Variants in GNAQ observed in about 807,000 individuals in gnomAD.
The protein encoded by GNAQ is guanine nucleotide-binding protein G(q) subunit alpha.
GNAQ carries 8 observed loss-of-function variants against 43.9 expected under a neutral mutation model. The ratio of observed to expected loss-of-function variants is 0.18; its 90% confidence interval spans 0.11 to 0.33. The LOEUF is 0.33. Among genes scored for constraint, GNAQ ranks in the 10% least tolerant of loss-of-function variants. The pLI is 1.00. For missense variants in GNAQ, 158 were observed against 450.8 expected (o/e 0.35, Z 5.88); for synonymous variants, 155 against 170.7 (o/e 0.91, Z 0.71).
At position 77,985,494 on chromosome 9, in the gene GNAQ, C is replaced by T. The variant is rs138074580; in HGVS notation, c.136+45606G>A. ...ATAGTTGTATGTCATTCAAATATTA[C>T]ATACCCTATAAAAGTACAAGGTGTT... On this transcript the variant is annotated intron_variant, in intron 1 of 6. Transcript: ENST00000286548. 3.9e-4 allele frequency among the ~76,000 whole-genome samples: 60 copies of T among 152,304 alleles called. No homozygotes were observed. The East Asian group carries it at 0.011, about 27-fold the overall frequency.
chr9:77,749,409 G>A (rs1223295104), intron 5 of GNAQ, among the ~76,000 whole-genome samples: 2 of 152,132 alleles, frequency 1.3e-5, no homozygotes, highest in Non-Finnish European at 2.9e-5. Context: ...ACAGGCAGAA[G>A]GCTTTAAATA....
chr9:77,822,521 A>C (rs2118529913), intron 2 of GNAQ, among the ~76,000 whole-genome samples: 1 of 152,072 alleles, frequency 6.6e-6, no homozygotes, highest in African/African-American at 2.4e-5. Context: ...CTGGTTTGGA[A>C]TTTTATTTTA....
In GNAQ at chr9:77,842,191, G is replaced by A. The variant is rs1178894236; in HGVS notation, c.322-26421C>T. On this transcript the variant is annotated intron_variant, in intron 2 of 6. Coordinates refer to ENST00000286548, the MANE Select transcript of GNAQ (RefSeq NM_002072.5). Reference sequence around the variant, plus strand: ...GCTACAACTCCCATCCCCTATTCTAGCTTTCCTCTAACCCTAGCTATTATT... The same window carrying A: ...GCTACAACTCCCATCCCCTATTCTAACTTTCCTCTAACCCTAGCTATTATT... Among the ~76,000 whole-genome samples the A allele has an allele frequency of 2.6e-5, 4 of 152,160 alleles. No individual in the cohort carries two copies. The East Asian group carries it at 7.7e-4, about 29-fold the overall frequency.
chr9:78,026,118 CTAAAT>C (rs2118617447), intron 1 of GNAQ, among the ~76,000 whole-genome samples: 1 of 152,230 alleles, frequency 6.6e-6, no homozygotes, highest in South Asian at 2.1e-4. Context: ...AAAATGGCTA[CTAAAT>C]TAGTCTTCTG....
chr9:77,736,875 A>C (rs1380281598), intron 5 of GNAQ, among the ~76,000 whole-genome samples: 1 of 152,214 alleles, frequency 6.6e-6, no homozygotes, highest in African/African-American at 2.4e-5. Context: ...ATTTCCTAGT[A>C]TTTCAGTTAA....
chr9:77,765,498 C>G (rs1024650249), intron 5 of GNAQ, among the ~76,000 whole-genome samples: 10 of 152,094 alleles, frequency 6.6e-5, no homozygotes, highest in Non-Finnish European at 1.0e-4. Flanking sequence ...ATATAAACGG[C>G]CAACGAACAC....
intron 2 of GNAQ, among the ~76,000 whole-genome samples, chr9:77,825,986 A>C (rs1827189879): frequency 6.6e-6 from 1 of 152,134 alleles, no homozygotes; most frequent in Admixed American, 6.6e-5. Context: ...CTTTAGCATT[A>C]AAAACAACAA....
chr9:77,963,720 AAGTT>A lies in GNAQ; in HGVS notation c.137-41379_137-41376del, dbSNP rs1310049600. 9.8e-5 allele frequency among the ~76,000 whole-genome samples: 15 copies of A among 152,326 alleles called. No homozygotes were observed. In the East Asian group the frequency reaches 1.5e-3, roughly 16 times the overall value. The stretch of plus-strand genomic sequence containing the variant: ...TGCTTATTATGAGAGTGGTTTGAGA[AAGTT>A]AGTCAAAACTTTAACAGAAAAATGC... On this transcript the variant is annotated intron_variant, in intron 1 of 6. Coordinates refer to ENST00000286548, the MANE Select transcript of GNAQ (RefSeq NM_002072.5).
At chr9:77,890,014 A>C (rs1243241396) in intron 2 of GNAQ, among the ~76,000 whole-genome samples, 1 of 152,236 alleles carries the variant, frequency 6.6e-6, no homozygotes, top group Non-Finnish European at 1.5e-5. Flanking sequence ...TACTCCTTTT[A>C]TCTACTCGCT....
chr9:77,825,727 T>A (rs1827184201), intron 2 of GNAQ, among the ~76,000 whole-genome samples: 1 of 152,198 alleles, frequency 6.6e-6, no homozygotes, highest in Admixed American at 6.5e-5. Context: ...CATCCTGGAT[T>A]ATTTTAATGC....
intron 1 of GNAQ, among the ~76,000 whole-genome samples, chr9:77,969,986 AG>A (rs1229358592): frequency 6.6e-6 from 1 of 152,194 alleles, no homozygotes; most frequent in Non-Finnish European, 1.5e-5. Context: ...TGGGAGGCAG[AG>A]GCGGGCAGAT....
At chr9:77,817,746 C>G (rs1216277751) in intron 2 of GNAQ, among the ~76,000 whole-genome samples, 1 of 152,092 alleles carries the variant, frequency 6.6e-6, no homozygotes, top group Non-Finnish European at 1.5e-5. Flanking sequence ...CACACAATAA[C>G]TGAGAATATA....
intron 1 of GNAQ, 92 bp downstream of exon 1, chr9:78,031,008 G>C (rs551533266): frequency 3.1e-6 from 3 of 965,704 alleles, no homozygotes; most frequent in African/African-American, 3.4e-5. Flanking sequence ...GCGGGCGCCG[G>C]GGGGCGGGGG....
At chr9:77,754,172 T>C (rs754342434) in intron 5 of GNAQ, among the ~76,000 whole-genome samples, 2 of 152,226 alleles carry the variant, frequency 1.3e-5, no homozygotes, top group Non-Finnish European at 1.5e-5. Flanking sequence ...TCCTCAGGAC[T>C]GGTTCTCTCC....
At chr9:77,885,555 T>A (rs1480617475) in intron 2 of GNAQ, among the ~76,000 whole-genome samples, 1 of 152,172 alleles carries the variant, frequency 6.6e-6, no homozygotes, top group Non-Finnish European at 1.5e-5. Context: ...GATTTCTGTT[T>A]AACTTTCCCA....
chr9:77,917,193 T>A (rs1828922074), intron 2 of GNAQ, among the ~76,000 whole-genome samples: 1 of 152,126 alleles, frequency 6.6e-6, no homozygotes, highest in Admixed American at 6.6e-5. Context: ...GTTCAGACAG[T>A]AAAAAATCAA....
rs11145636 is a variant in GNAQ at position 77,965,798 on chromosome 9, A to C, written c.137-43453T>G. On this transcript the variant is annotated intron_variant, in intron 1 of 6. Transcript: ENST00000286548. ...TTAAAAAGTAAAACATACCCCTGGT[A>C]ATGTGTTCCAGCCATTCCAGTCCTT... 4.9e-3 allele frequency among the ~76,000 whole-genome samples: 749 copies of C among 151,880 alleles called. 8 individuals carry two copies. Among genetic ancestry groups the C allele is most frequent in the African/African-American group, 0.016 (671 of 41,382 alleles).
At chr9:77,989,051 A>T (rs4744856) in intron 1 of GNAQ, among the ~76,000 whole-genome samples, 46,793 of 152,074 alleles carry the variant, frequency 0.31, 7,475 homozygotes, top group South Asian at 0.43. Context: ...TTTATTTTTT[A>T]AAAATAAATT....
intron 1 of GNAQ, among the ~76,000 whole-genome samples, chr9:77,989,071 C>CA: frequency 6.6e-6 from 1 of 152,008 alleles, no homozygotes; most frequent in Non-Finnish European, 1.5e-5. Context: ...TCTCTGCTGG[C>CA]AAAACTTTTT....
Sources: allele counts gnomAD v4.1 joint callset (sites outside exome capture counted in the v4.1 genomes callset), GRCh38; gene constraint gnomAD v4.1.1; transcripts MANE v1.5; gene names NCBI Gene and HGNC (gene_info 2026-07-23, HGNC 2026-07-21).